Variants in EDIL3 observed in about 807,000 individuals in gnomAD.
The protein encoded by EDIL3 is EGF-like repeat and discoidin I-like domain-containing protein 3.
EDIL3 carries 37 observed loss-of-function variants against 67.4 expected under a neutral mutation model. The ratio of observed to expected loss-of-function variants is 0.55; its 90% CI spans 0.42 to 0.72. The LOEUF (loss-of-function observed/expected upper bound fraction) is 0.72, where lower values mean the gene tolerates loss of function less well. Among genes scored for constraint, EDIL3 ranks in the 30% least tolerant of loss-of-function variants. The pLI is 0.00. For synonymous variants in EDIL3, 195 were observed against 196.3 expected (o/e 0.99, Z 0.05); for missense variants, 527 against 586.3 (o/e 0.90, Z 1.04).
intron 5 of EDIL3, among the ~76,000 whole-genome samples, chr5:84,120,766 T>A (rs1482024167): frequency 6.6e-6 from 1 of 151,994 alleles, no homozygotes; most frequent in Admixed American, 6.6e-5. Flanking sequence ...AAAATGTCTT[T>A]ATACAGGTCT....
intron 1 of EDIL3, among the ~76,000 whole-genome samples, chr5:84,360,191 G>A (rs2112200010): frequency 6.6e-6 from 1 of 152,208 alleles, no homozygotes; most frequent in South Asian, 2.1e-4. Context: ...TAAAGAAAGG[G>A]GAAAATTATG....
At chr5:84,086,621 G>C (rs1368394625) in intron 6 of EDIL3, among the ~76,000 whole-genome samples, 1 of 152,072 alleles carries the variant, frequency 6.6e-6, no homozygotes, top group Non-Finnish European at 1.5e-5. Context: ...CTCCAAAAAG[G>C]GCTTCCTTTT....
chr5:84,383,615 T>A (rs1458904344), intron 1 of EDIL3, among the ~76,000 whole-genome samples: 1 of 152,138 alleles, frequency 6.6e-6, no homozygotes, highest in Non-Finnish European at 1.5e-5. Context: ...TTAACACTGG[T>A]ACTCGGAGGG....
intron 4 of EDIL3, among the ~76,000 whole-genome samples, chr5:84,161,701 G>A (rs928600792): frequency 5.9e-5 from 9 of 152,026 alleles, no homozygotes; most frequent in Admixed American, 3.9e-4. Flanking sequence ...TGATATCCAA[G>A]TTGGAACTCC....
chr5:84,310,632 C>T (rs1336480194), intron 1 of EDIL3, among the ~76,000 whole-genome samples: 1 of 152,098 alleles, frequency 6.6e-6, no homozygotes, highest in Non-Finnish European at 1.5e-5. Flanking sequence ...TTTTCTTTAT[C>T]CTTATACAAA....
intron 3 of EDIL3, among the ~76,000 whole-genome samples, chr5:84,228,348 TAG>T (rs1744494104): frequency 1.3e-5 from 2 of 152,142 alleles, no homozygotes; most frequent in East Asian, 3.9e-4. Flanking sequence ...TACACCACAA[TAG>T]ACAGACATAC....
At chr5:84,249,442 C>T (rs1744980247) in intron 2 of EDIL3, among the ~76,000 whole-genome samples, 1 of 150,614 alleles carries the variant, frequency 6.6e-6, no homozygotes, top group Admixed American at 6.6e-5. Flanking sequence ...ATCTATTTTT[C>T]TATCTATTAT....
chr5:84,143,852 T>G (rs564472074), intron 4 of EDIL3, among the ~76,000 whole-genome samples: 8 of 152,070 alleles, frequency 5.3e-5, no homozygotes, highest in Non-Finnish European at 1.2e-4. Flanking sequence ...CAGTGGCATG[T>G]AGCATAGTCA....
intron 5 of EDIL3, among the ~76,000 whole-genome samples, chr5:84,131,390 T>G (rs1747964169): frequency 6.6e-6 from 1 of 152,200 alleles, no homozygotes; most frequent in South Asian, 2.1e-4. Context: ...CACTCTTTCC[T>G]CTTATGCTGT....
chr5:84,180,130 C>A (rs551466955), intron 4 of EDIL3, among the ~76,000 whole-genome samples: 4 of 151,978 alleles, frequency 2.6e-5, no homozygotes, highest in Admixed American at 1.3e-4. Flanking sequence ...TAAAGTGCAT[C>A]TTTTGGCAAG....
intron 9 of EDIL3, among the ~76,000 whole-genome samples, chr5:83,982,313 T>C (rs551557460): frequency 3.9e-5 from 6 of 152,216 alleles, no homozygotes; most frequent in African/African-American, 1.4e-4. Flanking sequence ...AAAATTAATA[T>C]ATCAATTAAT....
At chr5:84,197,903 A>T (rs1223330460) in intron 3 of EDIL3, among the ~76,000 whole-genome samples, 1 of 152,030 alleles carries the variant, frequency 6.6e-6, no homozygotes, top group East Asian at 1.9e-4. Flanking sequence ...GAATACATAT[A>T]AACTAGAAGT....
chr5:84,224,810 G>T (rs1004348092), intron 3 of EDIL3, among the ~76,000 whole-genome samples: 14 of 151,410 alleles, frequency 9.2e-5, no homozygotes, highest in Non-Finnish European at 1.9e-4. Context: ...AGCAGATTCA[G>T]AAGGAAGTTT....
At chr5:84,195,470 T>A (rs1561216755) in intron 3 of EDIL3, among the ~76,000 whole-genome samples, 1 of 151,970 alleles carries the variant, frequency 6.6e-6, no homozygotes, top group Non-Finnish European at 1.5e-5. Context: ...TAATGTGATT[T>A]TTTTGTGTGA....
At chr5:84,235,832 T>A (rs1744671610) in intron 2 of EDIL3, among the ~76,000 whole-genome samples, 1 of 151,902 alleles carries the variant, frequency 6.6e-6, no homozygotes, top group South Asian at 2.1e-4. Context: ...ATAAATCAGA[T>A]TTTCCTTCTT....
chr5:84,099,547 C>T (rs898815830), intron 6 of EDIL3, among the ~76,000 whole-genome samples: 3 of 151,996 alleles, frequency 2.0e-5, no homozygotes, highest in Non-Finnish European at 2.9e-5. Flanking sequence ...GAAACTGGAC[C>T]CCTTCCTTAC....
At chr5:84,170,887 C>A (rs1345326516) in intron 4 of EDIL3, among the ~76,000 whole-genome samples, 2 of 151,266 alleles carry the variant, frequency 1.3e-5, no homozygotes, top group African/African-American at 4.9e-5. Flanking sequence ...CTCCACCTCC[C>A]GGGTTCAAGC....
chr5:84,146,972 C>T (rs1748300264), intron 4 of EDIL3, among the ~76,000 whole-genome samples: 1 of 152,048 alleles, frequency 6.6e-6, no homozygotes, highest in South Asian at 2.1e-4. Context: ...AGGGCAAACA[C>T]CAGAATCCTG....
chr5:84,078,642 A>G (rs1014642705), intron 6 of EDIL3: 2 of 152,324 alleles, frequency 1.3e-5, no homozygotes, highest in East Asian at 1.9e-4. Flanking sequence ...GACTGATGAT[A>G]ATAATGTGCC....
Sources: gnomAD v4.1 joint callset for allele counts (sites outside exome capture counted in the v4.1 genomes callset) on GRCh38, gnomAD v4.1.1 for gene constraint, MANE v1.5 for transcripts, NCBI Gene and HGNC (gene_info 2026-07-23, HGNC 2026-07-21) for gene names.